The following DARS1 variants were observed in gnomAD, a reference collection of about 807,000 sequenced individuals.
DARS1 encodes aspartate--tRNA ligase, cytoplasmic.
Under a neutral mutation model 68.8 loss-of-function variants are expected in DARS1, and 51 were observed. That is an observed-to-expected ratio of 0.74 (90% CI 0.59 to 0.94). The LOEUF is 0.94. DARS1 is among the 40% of genes least tolerant of loss of function. The pLI is 0.00. For missense variants in DARS1, 607 were observed against 597.3 expected (o/e 1.02, Z -0.17); for synonymous variants, 203 against 190.4 (o/e 1.07, Z -0.55).
At chr2:135,967,785 C>T (rs572569434) in intron 3 of DARS1, among the ~76,000 whole-genome samples, 2 of 152,240 alleles carry the variant, frequency 1.3e-5, no homozygotes, top group African/African-American at 4.8e-5. Flanking sequence ...CTACTAGAAA[C>T]TGCCACCATG....
At chr2:135,929,478 G>A (rs1681295865) in intron 7 of DARS1, among the ~76,000 whole-genome samples, 1 of 151,958 alleles carries the variant, frequency 6.6e-6, no homozygotes, top group Non-Finnish European at 1.5e-5. Flanking sequence ...ATGAAAACAT[G>A]GATTTTATTT....
At position 135,969,804 on chromosome 2, in the gene DARS1, C is replaced by T. The variant is rs187097585; in HGVS notation, c.218-8306G>A. ...AATTAGGGCATACTGAATCATTGCT[C>T]CTGAGGGAAGTTTAGGGTTAGGTTT... On this transcript the variant is annotated intron_variant, in intron 3 of 15. Transcript: ENST00000264161. Among the ~76,000 whole-genome samples the T allele has an allele frequency of 1.2e-4, 18 of 152,230 alleles. No individual in the cohort carries two copies. In the East Asian group the frequency reaches 3.3e-3, roughly 28 times the overall value.
chr2:135,912,365 C>T lies in DARS1; in HGVS notation c.1230+121G>A, dbSNP rs143762187. The T allele has an allele frequency of 1.6e-3, 811 of 502,292 alleles. 3 individuals carry two copies. The highest frequency in any genetic ancestry group is 2.7e-3 in the Non-Finnish European group (740 of 275,230). 31.1% of individuals were successfully genotyped at this position (502,292 alleles called of 1,614,324 possible). On this transcript the variant is annotated intron_variant, in intron 13 of 15. Coordinates refer to ENST00000264161, the MANE Select transcript of DARS1 (RefSeq NM_001349.4). ...GTGGTGACAGACATCAATGGTAATA[C>T]GTATGTCTATCAAAACTGCAAATTA...
In DARS1 at chr2:135,924,388, T is replaced by C. The variant is rs764365357; in HGVS notation, c.675A>G (p.Ser225=). Residue 225 remains serine, a splice_region_variant and synonymous_variant, in exon 8 of 16, where the codon TCA becomes TCG. Coordinates refer to ENST00000264161, the MANE Select transcript of DARS1 (RefSeq NM_001349.4). ...TAAGAGAAATATTTTGAAGCATACC[T>C]GAAATAATTTTAGGAGTTTGGATTT... ...FVEIQTPKII[S]AASEGGANVF... is the part of the protein sequence containing the mutation. 6.3e-7 allele frequency: 1 copy of C among 1,592,484 alleles called. No individual in the cohort carries two copies. Among genetic ancestry groups the C allele is most frequent in the South Asian group, 1.2e-5 (1 of 86,192 alleles).
At chr2:135,970,999 T>C (rs1682356755) in intron 3 of DARS1, among the ~76,000 whole-genome samples, 1 of 152,134 alleles carries the variant, frequency 6.6e-6, no homozygotes, top group Non-Finnish European at 1.5e-5. Flanking sequence ...ATGGCTTTAC[T>C]GCTGAATTCT....
At chr2:135,966,314 A>G (rs1682235282) in intron 3 of DARS1, among the ~76,000 whole-genome samples, 2 of 152,142 alleles carry the variant, frequency 1.3e-5, no homozygotes, top group African/African-American at 4.8e-5. Context: ...TACCATACCC[A>G]TAAATTACTT....
intron 4 of DARS1, among the ~76,000 whole-genome samples, chr2:135,955,225 A>C (rs1317254829): frequency 4.0e-5 from 6 of 151,866 alleles, no homozygotes; most frequent in African/African-American, 1.5e-4. Flanking sequence ...ATATATCCTT[A>C]TATCAACAAA....
chr2:135,920,516 T>C lies in DARS1; in HGVS notation c.896A>G (p.Tyr299Cys). The C allele has an allele frequency of 6.2e-7, 1 of 1,613,820 alleles. No individual in the cohort carries two copies. The highest frequency in any genetic ancestry group is 8.5e-7 in the Non-Finnish European group (1 of 1,179,856). Residue 299 changes from tyrosine (Y) to cysteine (C), a missense_variant, in exon 10 of 16, where the codon TAC (tyrosine) becomes TGC (cysteine). By Grantham distance (194) the Tyr-to-Cys change is radical. Transcript: ENST00000264161. ...AGCAATTTCTTCCATAACTTCGTGG[T>C]AATGGTAATTAAAAGCCATTTCAAT... Reference protein sequence around the residue: ...LDIEMAFNYHYHEVMEEIADT... With the variant: ...LDIEMAFNYHCHEVMEEIADT...
intron 5 of DARS1, among the ~76,000 whole-genome samples, chr2:135,938,008 G>C (rs1165269649): frequency 2.6e-5 from 4 of 152,142 alleles, no homozygotes; most frequent in African/African-American, 9.7e-5. Flanking sequence ...GGCGTTCTCT[G>C]TATTTCCTGA....
intron 2 of DARS1, among the ~76,000 whole-genome samples, chr2:135,982,936 T>C (rs766259467): frequency 2.2e-4 from 34 of 152,178 alleles, no homozygotes; most frequent in Middle Eastern, 3.2e-3. Flanking sequence ...AGTGAAAATA[T>C]AAATGTTTGG....
intron 7 of DARS1, among the ~76,000 whole-genome samples, chr2:135,926,383 G>C (rs561898335): frequency 3.9e-5 from 6 of 152,096 alleles, no homozygotes; most frequent in African/African-American, 1.4e-4. Flanking sequence ...TAAGAAAAAT[G>C]ATTTTTTTCT....
At chr2:135,912,745 G>T (rs776981781) in intron 12 of DARS1, among the ~76,000 whole-genome samples, 179 bp from the exon 13 acceptor site, 1 of 151,632 alleles carries the variant, frequency 6.6e-6, no homozygotes, top group Admixed American at 6.6e-5. Flanking sequence ...TTGCCATGGT[G>T]TCATAAATTC....
rs756516224 is a variant in DARS1, at chr2:135,922,912, C to T, written c.683G>A (p.Ser228Asn). The T allele has an allele frequency of 1.9e-6, 3 of 1,542,684 alleles. No individual in the cohort carries two copies. In the South Asian group the frequency reaches 3.9e-5, roughly 20 times the overall value. The part of the protein sequence containing the change: ...IQTPKIISAA[S>N]EGGANVFTVS... ...AGTAAAAACATTGGCTCCTCCTTCACTGGCAGCTGAAAGGTAAACATTTAT... is the reference window on the plus strand; with the variant it reads ...AGTAAAAACATTGGCTCCTCCTTCATTGGCAGCTGAAAGGTAAACATTTAT... Residue 228 changes from serine to asparagine, a missense_variant, in exon 9 of 16, where the codon AGT (serine) becomes AAT (asparagine). Ser to Asn is a conservative substitution (Grantham distance 46). Transcript: ENST00000264161.
At position 135,933,797 on chromosome 2, in the gene DARS1, A is replaced by G. The variant is rs552189932; in HGVS notation, c.504+113T>C. 90 of 1,343,380 alleles carry G rather than the reference A, an allele frequency of 6.7e-5. No individual in the cohort carries two copies. In the African/African-American group the frequency reaches 1.2e-3, roughly 19 times the overall value. The allele number at this position is 1,343,380 out of a possible 1,614,324, so 83.2% of individuals were successfully genotyped here. On this transcript the variant is annotated intron_variant, in intron 6 of 15. Coordinates refer to ENST00000264161, the MANE Select transcript of DARS1 (RefSeq NM_001349.4). ...TTGCTGATTTTAAGAGTAAGTTTAAATAACAATGGAGCTCAAAATCAATTC... is the reference window on the plus strand; with the variant it reads ...TTGCTGATTTTAAGAGTAAGTTTAAGTAACAATGGAGCTCAAAATCAATTC...
At chr2:135,961,150 G>A (rs1402640909) in intron 4 of DARS1, among the ~76,000 whole-genome samples, 1 of 152,186 alleles carries the variant, frequency 6.6e-6, no homozygotes, top group East Asian at 1.9e-4. Flanking sequence ...TACTCTACTT[G>A]AAAGTAAATG....
chr2:135,965,017 C>A lies in DARS1; in HGVS notation c.218-3519G>T, dbSNP rs3820789. Reference sequence around the variant, plus strand: ...TATGAGCATATTGTTTTACAAAAACCTATATAGTATGTAAAAGTGTGCCAG... The same window carrying A: ...TATGAGCATATTGTTTTACAAAAACATATATAGTATGTAAAAGTGTGCCAG... On this transcript the variant is annotated intron_variant, in intron 3 of 15. Coordinates refer to ENST00000264161, the MANE Select transcript of DARS1 (RefSeq NM_001349.4). Among the ~76,000 whole-genome samples, 4 of 151,242 alleles carry A rather than the reference C, an allele frequency of 2.6e-5. No homozygotes were observed. In the East Asian group the frequency reaches 7.7e-4, roughly 29 times the overall value.
rs201903325 is a variant in DARS1, at chr2:135,920,180, A to AAAC, written c.959+270_959+272dup. Among the ~76,000 whole-genome samples the AAAC allele has an allele frequency of 9.0e-3, 1,375 of 152,324 alleles. 14 individuals are homozygous for AAAC. The highest frequency in any genetic ancestry group is 0.03 in the African/African-American group (1,236 of 41,568). On this transcript the variant is annotated intron_variant, in intron 10 of 15. Transcript: ENST00000264161. Reference sequence around the variant, plus strand: ...CGGGATGTCAGTATAAAGGAAACAAAAACAACAACAAAATACAGTTGGACT... The same window carrying AAAC: ...CGGGATGTCAGTATAAAGGAAACAAAAACAACAACAACAAAATACAGTTGGACT...
Position 135,922,793 on chromosome 2 carries a change from T to C in DARS1, c.802A>G (p.Ile268Val), listed in dbSNP as rs60318326. The C allele has an allele frequency of 1.1e-3, 1,644 of 1,564,038 alleles. 15 individuals are homozygous for C. The African/African-American group carries it at 0.021, about 20-fold the overall frequency. Residue 268 changes from isoleucine (I) to valine (V), a missense_variant, in exon 9 of 16, where the codon ATT becomes GTT. Ile to Val is a conservative substitution (Grantham distance 29, BLOSUM62 3). Coordinates refer to ENST00000264161, the MANE Select transcript of DARS1 (RefSeq NM_001349.4). Reference protein sequence around the residue: ...ICADFEKVFSIGPVFRAEDSN... With the variant: ...ICADFEKVFSVGPVFRAEDSN... ...ACTGCCAAAATCTTACCTGGTCCAA[T>C]AGAGAAAACCTTCTCAAAATCAGCA...
chr2:135,962,873 C>T (rs1350862794), intron 3 of DARS1, among the ~76,000 whole-genome samples: 1 of 152,030 alleles, frequency 6.6e-6, no homozygotes, highest in Admixed American at 6.5e-5. Flanking sequence ...AAACCACAGC[C>T]ACGTTACCCC....
Sources: allele counts gnomAD v4.1 joint callset (sites outside exome capture counted in the v4.1 genomes callset), GRCh38; gene constraint gnomAD v4.1.1; transcripts MANE v1.5; gene names NCBI Gene and HGNC (gene_info 2026-07-23, HGNC 2026-07-21).